Variants in EXOC4 observed in about 807,000 individuals in gnomAD.
EXOC4 encodes SEC8-like 1.
A neutral mutation model predicts 107.2 loss-of-function variants in EXOC4; 71 were observed. The ratio of observed to expected loss-of-function variants is 0.66; its 90% CI spans 0.55 to 0.81. The LOEUF (loss-of-function observed/expected upper bound fraction) is 0.81. Ranked by LOEUF, EXOC4 falls within the 30% of genes least tolerant of loss-of-function variation. The pLI is 0.00. For synonymous variants in EXOC4, 456 were observed against 441.2 expected (o/e 1.03, Z -0.42); for missense variants, 1,108 against 1,189.6 (o/e 0.93, Z 1.01).
chr7:133,497,508 A>G (rs1003741815), intron 9 of EXOC4, among the ~76,000 whole-genome samples: 2 of 148,450 alleles, frequency 1.3e-5, no homozygotes, highest in African/African-American at 2.5e-5. Context: ...CTCACTCACT[A>G]CAACCTCCAC....
At chr7:133,268,066 T>C (rs2150515381) in intron 1 of EXOC4, among the ~76,000 whole-genome samples, 1 of 152,330 alleles carries the variant, frequency 6.6e-6, no homozygotes, top group East Asian at 1.9e-4. Context: ...AACACTTCCG[T>C]CACACTTTAT....
intron 9 of EXOC4, among the ~76,000 whole-genome samples, chr7:133,552,343 TAGAC>T (rs1278522154): frequency 2.6e-5 from 4 of 152,170 alleles, no homozygotes; most frequent in African/African-American, 7.2e-5. Flanking sequence ...GCTGTTTTAA[TAGAC>T]AGGGCAGAAA....
chr7:133,306,048 A>C lies in EXOC4; in HGVS notation c.643A>C (p.Lys215Gln), dbSNP rs749991089. The C allele has an allele frequency of 3.7e-6, 6 of 1,611,204 alleles. No homozygotes were observed. Among genetic ancestry groups the C allele is most frequent in the Non-Finnish European group, 5.1e-6 (6 of 1,178,718 alleles). Residue 215 changes from lysine (K) to glutamine (Q), a missense_variant, in exon 4 of 18, where the codon AAA (lysine) becomes CAA (glutamine). By Grantham distance (53) the Lys-to-Gln change is moderately conservative. Transcript: ENST00000253861. ...TSRVVQRNKE[K>Q]GKISSLVKDA... ...CCGAGTTGTGCAGCGTAACAAGGAAAAAGGGAAAATCAGGTTAAAGAGGCT... is the reference window on the plus strand; with the variant it reads ...CCGAGTTGTGCAGCGTAACAAGGAACAAGGGAAAATCAGGTTAAAGAGGCT...
intron 1 of EXOC4, among the ~76,000 whole-genome samples, chr7:133,260,344 GCTCACTGCAACCTCTGA>G (rs1297091171): frequency 6.6e-6 from 1 of 151,754 alleles, no homozygotes; most frequent in African/African-American, 2.4e-5. Context: ...CACCATCTTG[GCTCACTGCAACCTCTGA>G]CTCCCGGGTT....
At chr7:133,770,911 T>A (rs1585133508) in intron 10 of EXOC4, among the ~76,000 whole-genome samples, 1 of 151,936 alleles carries the variant, frequency 6.6e-6, no homozygotes, top group Non-Finnish European at 1.5e-5. Context: ...CTTTCTAAAA[T>A]CTGAACTTTT....
intron 14 of EXOC4, among the ~76,000 whole-genome samples, chr7:133,983,227 C>G (rs970512714): frequency 6.6e-6 from 1 of 152,144 alleles, no homozygotes; most frequent in Non-Finnish European, 1.5e-5. Flanking sequence ...GGATCCTCCC[C>G]CATGACCCAA....
intron 9 of EXOC4, among the ~76,000 whole-genome samples, chr7:133,495,937 C>T (rs1799468751): frequency 6.6e-6 from 1 of 152,134 alleles, no homozygotes; most frequent in Non-Finnish European, 1.5e-5. Flanking sequence ...AGTTGCTTTA[C>T]ATTCTCACTA....
At chr7:133,882,107 T>C (rs1798979147) in intron 11 of EXOC4, among the ~76,000 whole-genome samples, 1 of 152,232 alleles carries the variant, frequency 6.6e-6, no homozygotes, top group Non-Finnish European at 1.5e-5. Flanking sequence ...ACAGTATATA[T>C]CTTTCTGTGA....
At chr7:133,681,480 C>T (rs983008470) in intron 10 of EXOC4, among the ~76,000 whole-genome samples, 5 of 152,000 alleles carry the variant, frequency 3.3e-5, no homozygotes, top group Admixed American at 6.5e-5. Flanking sequence ...CATAATAATT[C>T]GAATAAGTAG....
chr7:133,446,925 T>G (rs1354516535), intron 7 of EXOC4, among the ~76,000 whole-genome samples: 2 of 152,238 alleles, frequency 1.3e-5, no homozygotes, highest in African/African-American at 4.8e-5. Flanking sequence ...ATCTACAATA[T>G]GCATTTCTCA....
chr7:133,464,533 T>C lies in EXOC4; in HGVS notation c.1183-10795T>C, dbSNP rs536161418. Among the ~76,000 whole-genome samples, 7 of 152,240 alleles carry C rather than the reference T, an allele frequency of 4.6e-5. No homozygotes were observed. The South Asian group carries it at 1.5e-3, about 32-fold the overall frequency. ...TGAGAAGGAAGAGGTCTGTATTTTT[T>C]TGGAGGAGATAAAACATTGTGGACA... On this transcript the variant is annotated intron_variant, in intron 7 of 17. Transcript: ENST00000253861.
At chr7:133,550,628 A>G (rs1280747275) in intron 9 of EXOC4, among the ~76,000 whole-genome samples, 2 of 152,084 alleles carry the variant, frequency 1.3e-5, no homozygotes. Flanking sequence ...ACTCATTTTT[A>G]TTAATATCAG....
At position 134,045,829 on chromosome 7, in the gene EXOC4, G is replaced by A. The variant is rs568923306; in HGVS notation, c.2688-18462G>A. On this transcript the variant is annotated intron_variant, in intron 17 of 17. Coordinates refer to ENST00000253861, the MANE Select transcript of EXOC4 (RefSeq NM_021807.4). ...CATACATCTACTTTCTGTCTCTGTG[G>A]GTTTGCCTCTTCTGGATAGATCATA... Among the ~76,000 whole-genome samples the A allele has an allele frequency of 5.2e-4, 79 of 151,950 alleles. 2 individuals are homozygous for A. The South Asian group carries it at 0.016, about 32-fold the overall frequency.
At chr7:133,715,306 T>A (rs187537916) in intron 10 of EXOC4, among the ~76,000 whole-genome samples, 1 of 152,322 alleles carries the variant, frequency 6.6e-6, no homozygotes, top group East Asian at 1.9e-4. Flanking sequence ...CCCAAATCAG[T>A]TATTTTCCAG....
Position 133,893,490 on chromosome 7 carries a change from G to C in EXOC4, c.1735-2109G>C, listed in dbSNP as rs1434345528. Among the ~76,000 whole-genome samples the C allele has an allele frequency of 5.8e-4, 33 of 57,226 alleles. 8 individuals are homozygous for C. The highest frequency in any genetic ancestry group is 8.6e-4 in the Non-Finnish European group (30 of 34,812). 37.5% of individuals were successfully genotyped at this position (57,226 alleles called of 152,430 possible). A position where few individuals can be genotyped will look rare whatever the true frequency, so the allele number is the denominator to read the frequency against. The stretch of plus-strand genomic sequence containing the variant: ...CATTATGATGTTAGCTGGTGATTTT[G>C]CTCGTTAGTTGATGCAGTTTCTTCC... On this transcript the variant is annotated intron_variant, in intron 11 of 17. Transcript: ENST00000253861.
intron 17 of EXOC4, among the ~76,000 whole-genome samples, chr7:134,014,659 T>C (rs986409348): frequency 2.6e-5 from 4 of 152,036 alleles, no homozygotes; most frequent in African/African-American, 9.7e-5. Context: ...GAGGAGTCTT[T>C]GGGGGGTGAT....
chr7:133,571,054 C>T (rs1430963611), intron 9 of EXOC4, among the ~76,000 whole-genome samples: 1 of 152,184 alleles, frequency 6.6e-6, no homozygotes, highest in African/African-American at 2.4e-5. Context: ...TTATTTCAAA[C>T]TCTGCCTTTA....
intron 10 of EXOC4, among the ~76,000 whole-genome samples, chr7:133,681,818 G>A (rs1312991552): frequency 5.3e-5 from 8 of 152,084 alleles, no homozygotes; most frequent in South Asian, 4.2e-4. Context: ...TCGGTTGTAC[G>A]TTTTAGTTGT....
At chr7:133,358,530 G>A (rs1327793888) in intron 6 of EXOC4, among the ~76,000 whole-genome samples, 1 of 152,070 alleles carries the variant, frequency 6.6e-6, no homozygotes, top group Admixed American at 6.6e-5. Flanking sequence ...TTGAACTTTT[G>A]CCTTTCTTCT....
Sources: gnomAD v4.1 joint callset for allele counts (sites outside exome capture counted in the v4.1 genomes callset) on GRCh38, gnomAD v4.1.1 for gene constraint, MANE v1.5 for transcripts, NCBI Gene and HGNC (gene_info 2026-07-23, HGNC 2026-07-21) for gene names.